ZNF671: variants seen among roughly 807,000 people sequenced by gnomAD.
ZNF671 encodes zinc finger protein 671, also known as hypothetical protein FLJ23506.
Under a neutral mutation model 16.6 loss-of-function variants are expected in ZNF671, and 19 were observed. That is an observed-to-expected ratio of 1.14 (90% CI 0.80 to 1.68). The LOEUF is 1.68. Among genes scored for constraint, ZNF671 ranks in the 40% most tolerant of loss-of-function variants. The pLI is 0.00. For synonymous variants in ZNF671, 238 were observed against 236.3 expected (o/e 1.01, Z -0.06); for missense variants, 637 against 659.8 (o/e 0.97, Z 0.38).
intron 1 of ZNF671, among the ~76,000 whole-genome samples, chr19:57,725,512 C>G (rs1986013762): frequency 6.6e-6 from 1 of 152,040 alleles, no homozygotes; most frequent in Non-Finnish European, 1.5e-5. Flanking sequence ...CACCTGTAAT[C>G]CCAGCTACTC....
intron 1 of ZNF671, among the ~76,000 whole-genome samples, chr19:57,725,632 AAAAC>A (rs1204577161): frequency 2.0e-5 from 3 of 150,834 alleles, no homozygotes; most frequent in Non-Finnish European, 4.4e-5. Flanking sequence ...CCATCTCAAA[AAAAC>A]AAAACAAAAC....
intron 3 of ZNF671, 147 bp from the exon 4 acceptor site, chr19:57,721,844 C>T: frequency 1.7e-6 from 2 of 1,164,678 alleles, no homozygotes; most frequent in East Asian, 4.8e-5. Context: ...GAAGGAATGG[C>T]TTTGAGGTAG....
chr19:57,722,030 C>G (rs1372676579), intron 3 of ZNF671: 1 of 550,366 alleles, frequency 1.8e-6, no homozygotes, highest in African/African-American at 1.9e-5. Context: ...TGTTCAAAGA[C>G]TATTTAAGAA....
At chr19:57,723,117 G>C in intron 2 of ZNF671, 97 bp downstream of exon 2, 1 of 1,481,474 alleles carries the variant, frequency 6.8e-7, no homozygotes, top group Non-Finnish European at 9.1e-7. Context: ...CTGGCATCTT[G>C]AGCACCTACT....
In ZNF671 at chr19:57,720,951, TA is replaced by T; in HGVS notation, c.1134del (p.Phe378LeufsTer180). On this transcript the variant is annotated frameshift_variant, in exon 4 of 4. Transcript: ENST00000317398. LOFTEE classifies it low-confidence loss of function (END_TRUNC). ...TGTCGAATGAGATTAGACTTACTGCTAAAAAATTTCCCACATTTGCCACACT... is the reference window on the plus strand; with the variant it reads ...TGTCGAATGAGATTAGACTTACTGCTAAAAATTTCCCACATTTGCCACACT... ...LYQCGKCGKF[F>X]SSKSNLIRHQ... The T allele has an allele frequency of 6.2e-7, 1 of 1,614,190 alleles. No homozygotes were observed.
At chr19:57,722,857 T>C (rs556514109) in intron 2 of ZNF671, among the ~76,000 whole-genome samples, 1 of 151,514 alleles carries the variant, frequency 6.6e-6, no homozygotes, top group South Asian at 2.1e-4. Context: ...ATCATGCCAC[T>C]GCACTCCAGC....
At chr19:57,727,339 G>A (rs1186351202) in intron 1 of ZNF671, 52 bp downstream of exon 1, 1 of 1,544,836 alleles carries the variant, frequency 6.5e-7, no homozygotes, top group Non-Finnish European at 8.8e-7. Context: ...GGCACTTTAC[G>A]ATTCGGAGTC....
At chr19:57,721,922 CAA>C in intron 3 of ZNF671, 1 of 633,100 alleles carries the variant, frequency 1.6e-6, no homozygotes. Flanking sequence ...TGGAACCAAA[CAA>C]ATGGCTTCCA....
chr19:57,720,500 T>C lies in ZNF671; in HGVS notation c.1586A>G (p.His529Arg). The change falls in exon 4 of 4, where the codon CAT becomes CGT. Residue 529 changes from histidine to arginine, a missense_variant. Coordinates refer to ENST00000317398, the MANE Select transcript of ZNF671 (RefSeq NM_024833.3). ...KQTLVLHQRV[H>R]AGEKL ...ACACTCTTAAAGCTTTTCTCCAGCA[T>C]GAACCCTCTGGTGCAGAACAAGTGT... 2 of 1,613,366 alleles carry C rather than the reference T, an allele frequency of 1.2e-6. No homozygotes were observed. The highest frequency in any genetic ancestry group is 1.7e-6 in the Non-Finnish European group (2 of 1,179,332).
In ZNF671 at chr19:57,720,189, TC is replaced by T; in HGVS notation, c.*291del. 2.4e-6 allele frequency: 1 copy of T among 413,080 alleles called. No homozygotes were observed. Among genetic ancestry groups the T allele is most frequent in the Non-Finnish European group, 4.4e-6 (1 of 227,598 alleles). 25.6% of individuals were successfully genotyped at this position (413,080 alleles called of 1,614,324 possible). ...ACATACTTGACACTCACAGGGAATC[TC>T]CCCAGTGGGAATGTCCATATCTATG... On this transcript the variant is annotated 3_prime_UTR_variant, in exon 4 of 4. Transcript: ENST00000317398.
rs1414363344 is a variant in ZNF671 at position 57,721,936 on chromosome 19, T to C, written c.389-239A>G. 19 of 609,074 alleles carry C rather than the reference T, an allele frequency of 3.1e-5. No homozygotes were observed. The East Asian group carries it at 5.3e-4, about 17-fold the overall frequency. 37.7% of individuals were successfully genotyped at this position (609,074 alleles called of 1,614,324 possible). A position where few individuals can be genotyped will look rare whatever the true frequency, so the allele number is the denominator to read the frequency against. On this transcript the variant is annotated intron_variant, in intron 3 of 3. Transcript: ENST00000317398. The stretch of plus-strand genomic sequence containing the variant: ...ATGGAACCAAACAAATGGCTTCCAG[T>C]AGGGCCTTGACTGTTAGTGACTCGT...
rs1315637361 is a variant in ZNF671, at chr19:57,720,003, T to C, written c.*478A>G. On this transcript the variant is annotated 3_prime_UTR_variant, in exon 4 of 4. Transcript: ENST00000317398. Reference sequence around the variant, plus strand: ...GGCTGTGAGACCACTCACAACACCTTTTAGGGACTGGGGAGAGAAGAGAGG... The same window carrying C: ...GGCTGTGAGACCACTCACAACACCTCTTAGGGACTGGGGAGAGAAGAGAGG... 1.2e-5 allele frequency: 2 copies of C among 166,208 alleles called. No individual in the cohort carries two copies. The highest frequency in any genetic ancestry group is 2.7e-5 in the Non-Finnish European group (2 of 74,652). The allele number at this position is 166,208 out of a possible 1,614,324, so 10.3% of individuals were successfully genotyped here.
In ZNF671 at chr19:57,720,700, G is replaced by A; in HGVS notation, c.1386C>T (p.Cys462=). Residue 462 remains cysteine, a synonymous_variant, in exon 4 of 4, where the codon TGC becomes TGT. Transcript: ENST00000317398. The part of the protein sequence containing the change: ...ECSRCGKAFS[C]ISKLIQHQKV... ...TCTGGTGCTGAATGAGTTTGGAGAT[G>A]CAGCTGAAAGCTTTACCACATCTGC... 6.2e-7 allele frequency: 1 copy of A among 1,614,180 alleles called. No individual in the cohort carries two copies.
intron 1 of ZNF671, 79 bp downstream of exon 1, chr19:57,727,312 G>A: frequency 3.3e-6 from 5 of 1,502,372 alleles, no homozygotes; most frequent in Non-Finnish European, 4.5e-6. Flanking sequence ...TCGCTGTCCT[G>A]GGACACAGGG....
chr19:57,721,788 A>AAGTTCATG (rs1985885779), intron 3 of ZNF671, 91 bp from the exon 4 acceptor site: 2 of 1,490,270 alleles, frequency 1.3e-6, no homozygotes, highest in East Asian at 4.5e-5. Context: ...ATGCAGGAAT[A>AAGTTCATG]AGTTCATGAA....
intron 1 of ZNF671, among the ~76,000 whole-genome samples, chr19:57,723,547 T>C (rs9676736): frequency 0.16 from 23,851 of 151,924 alleles, 1,922 homozygotes; most frequent in Non-Finnish European, 0.16. Context: ...GACAGATAAA[T>C]GCCATTTACA....
At chr19:57,726,111 C>A (rs1292211697) in intron 1 of ZNF671, among the ~76,000 whole-genome samples, 2 of 133,134 alleles carry the variant, frequency 1.5e-5, no homozygotes, top group African/African-American at 5.7e-5. Flanking sequence ...ACCCCTCCCA[C>A]CTCCCCACCC....
rs1160156377 is a variant in ZNF671, at chr19:57,727,478, C to G, written c.51G>C (p.Lys17Asn). The change falls in exon 1 of 4, where the codon AAG (lysine) becomes AAC (asparagine). Residue 17 changes from lysine to asparagine, a missense_variant. Transcript: ENST00000317398. ...RDASDALQGRKCLRPRSRRLP... is the reference protein window; with the variant it reads ...RDASDALQGRNCLRPRSRRLP... ...GGCGTCTCGATCGGGGACGCAGGCA[C>G]TTCCGTCCCTGCAGAGCATCAGACG... is the stretch of plus-strand genomic sequence containing the variant. 1 of 1,613,334 alleles carries G rather than the reference C, an allele frequency of 6.2e-7. No individual in the cohort carries two copies. Among genetic ancestry groups the G allele is most frequent in the Non-Finnish European group, 8.5e-7 (1 of 1,179,670 alleles).
rs768832169 is a variant in ZNF671, at chr19:57,723,199, G to A, written c.265+15C>T. ...AGAACAGAGTGGTAAAGGCAGAAAA[G>A]CATGAGGACCTTACCCAGTGAGGCT... is the stretch of plus-strand genomic sequence containing the variant. On this transcript the variant is annotated intron_variant, in intron 2 of 3. Coordinates refer to ENST00000317398, the MANE Select transcript of ZNF671 (RefSeq NM_024833.3). 1.9e-6 allele frequency: 3 copies of A among 1,599,010 alleles called. No homozygotes were observed. Among genetic ancestry groups the A allele is most frequent in the Non-Finnish European group, 2.6e-6 (3 of 1,171,958 alleles).
Sources: allele counts gnomAD v4.1 joint callset (sites outside exome capture counted in the v4.1 genomes callset), GRCh38; gene constraint gnomAD v4.1.1; transcripts MANE v1.5; gene names NCBI Gene and HGNC (gene_info 2026-07-23, HGNC 2026-07-21).